Variants in LHCGR observed in about 807,000 individuals in gnomAD.
The protein encoded by LHCGR is lutropin-choriogonadotropic hormone receptor.
In LHCGR, 55 loss-of-function variants were observed where a neutral mutation model predicts 60.7. The ratio of observed to expected loss-of-function variants is 0.91; its 90% CI spans 0.73 to 1.13. The LOEUF (loss-of-function observed/expected upper bound fraction) is 1.13. Ranked by LOEUF, LHCGR falls within the 50% of genes most tolerant of loss-of-function variation. The pLI is 0.00. For synonymous variants in LHCGR, 337 were observed against 316.5 expected, an observed-to-expected ratio of 1.06 and a Z score of -0.69; for missense variants, 862 against 836.0, an observed-to-expected ratio of 1.03 and a Z score of -0.38.
At chr2:48,708,919 G>C in intron 8 of LHCGR, 29 bp downstream of exon 8, 1 of 1,586,514 alleles carries the variant, frequency 6.3e-7, no homozygotes, top group Admixed American at 1.7e-5. Flanking sequence ...ACACTGGGCA[G>C]GGAGGGGAGG....
intron 1 of LHCGR, among the ~76,000 whole-genome samples, chr2:48,754,363 C>T (rs1273653754): frequency 2.0e-5 from 3 of 152,144 alleles, no homozygotes; most frequent in Admixed American, 6.5e-5. Flanking sequence ...CTTCCTTCCC[C>T]AGCACAGAAT....
chr2:48,755,654 C>G lies in LHCGR; in HGVS notation c.18G>C (p.Ser6=), dbSNP rs928962662. Residue 6 remains serine (S), a synonymous_variant, in exon 1 of 11, where the codon TCG becomes TCC. Coordinates refer to ENST00000294954, the MANE Select transcript of LHCGR (RefSeq NM_000233.4). ...GCAGCAGCTTCAGCAGCTGCAGCGC[C>G]GAGAACCGCTGCTTCATGGCCGGCG... MKQRF[S]ALQLLKLLLL... The G allele has an allele frequency of 5.2e-6, 8 of 1,535,656 alleles. No homozygotes were observed. The highest frequency in any genetic ancestry group is 3.9e-5 in the Admixed American group (2 of 50,972).
intron 1 of LHCGR, among the ~76,000 whole-genome samples, chr2:48,738,197 C>T (rs1437512355): frequency 1.3e-5 from 2 of 152,164 alleles, no homozygotes; most frequent in Non-Finnish European, 1.5e-5. Context: ...TTCTCTTCCT[C>T]TATCCTCCTC....
chr2:48,712,368 G>A (rs1253723707), intron 7 of LHCGR, among the ~76,000 whole-genome samples: 1 of 152,070 alleles, frequency 6.6e-6, no homozygotes, highest in Admixed American at 6.6e-5. Context: ...CACAGCTGAT[G>A]CTTGGTAAAC....
intron 6 of LHCGR, among the ~76,000 whole-genome samples, chr2:48,714,806 C>T (rs1668167934): frequency 6.6e-6 from 1 of 151,988 alleles, no homozygotes; most frequent in African/African-American, 2.4e-5. Context: ...TAAGAGGATC[C>T]TTAGAACACA....
At chr2:48,718,116 G>T (rs1050790521) in intron 6 of LHCGR, among the ~76,000 whole-genome samples, 8 of 151,870 alleles carry the variant, frequency 5.3e-5, no homozygotes. Context: ...AAACATCATG[G>T]TGTCAGAATT....
chr2:48,742,931 T>C (rs537732646), intron 1 of LHCGR, among the ~76,000 whole-genome samples: 1 of 151,898 alleles, frequency 6.6e-6, no homozygotes, highest in East Asian at 1.9e-4. Context: ...ATCAACAAAA[T>C]TGATAAACTG....
intron 6 of LHCGR, among the ~76,000 whole-genome samples, chr2:48,715,367 GC>G (rs1321809128): frequency 6.6e-6 from 1 of 152,166 alleles, no homozygotes; most frequent in Non-Finnish European, 1.5e-5. Context: ...GAAAGCTACT[GC>G]CTTAGATGGA....
Position 48,723,613 on chromosome 2 carries a change from G to C in LHCGR, c.458+9C>G, listed in dbSNP as rs1275976429. The C allele has an allele frequency of 2.5e-6, 4 of 1,610,722 alleles. No individual in the cohort carries two copies. The Admixed American group carries it at 6.7e-5, about 27-fold the overall frequency. ...AACTGTTATGCATAGCAATCAGCCT[G>C]GTACTTACAGAATGAAATTTGATTC... On this transcript the variant is annotated intron_variant, in intron 5 of 10. Transcript: ENST00000294954.
chr2:48,696,053 G>GA lies in LHCGR; in HGVS notation c.867-1750dup, dbSNP rs373660034. Among the ~76,000 whole-genome samples, 632 of 144,218 alleles carry GA rather than the reference G, an allele frequency of 4.4e-3. 3 individuals carry two copies. The highest frequency in any genetic ancestry group is 0.012 in the East Asian group (60 of 5,000). 94.6% of individuals were successfully genotyped at this position (144,218 alleles called of 152,430 possible). ...TGGTTGTCCACAGAGGAGGTCTACA[G>GA]AAAAAAAAAAACAGTGGTTTCTTCA... On this transcript the variant is annotated intron_variant, in intron 9 of 10. Transcript: ENST00000294954.
chr2:48,722,848 T>C (rs1222662651), intron 6 of LHCGR, among the ~76,000 whole-genome samples: 1 of 152,226 alleles, frequency 6.6e-6, no homozygotes, highest in African/African-American at 2.4e-5. Context: ...TCATGGCTCA[T>C]AGTTTGAATA....
Position 48,709,013 on chromosome 2 carries a change from C to T in LHCGR, c.615G>A (p.Lys205=). The T allele has an allele frequency of 1.2e-6, 2 of 1,614,050 alleles. No individual in the cohort carries two copies. The highest frequency in any genetic ancestry group is 1.3e-5 in the African/African-American group (1 of 75,052). ...GCATCTTCTCCAGATGTACGTTTTC[C>T]TTTAGCTCCCTGTGGGGAAGGATAT... ...NGTTLTSLEL[K]ENVHLEKMHN... Residue 205 remains lysine (K), a synonymous_variant, in exon 8 of 11, where the codon AAG becomes AAA. Coordinates refer to ENST00000294954, the MANE Select transcript of LHCGR (RefSeq NM_000233.4).
chr2:48,733,048 A>G (rs1669068011), intron 1 of LHCGR: 2 of 513,386 alleles, frequency 3.9e-6, no homozygotes, highest in East Asian at 5.5e-5. Flanking sequence ...GATTAAAAAC[A>G]CAGTTTTATT....
chr2:48,688,077 G>C lies in LHCGR; in HGVS notation c.1720C>G (p.Leu574Val), dbSNP rs1177176176. 6.2e-7 allele frequency: 1 copy of C among 1,614,162 alleles called. No individual in the cohort carries two copies. The highest frequency in any genetic ancestry group is 2.2e-5 in the East Asian group (1 of 44,876). Residue 574 changes from leucine to valine, a missense_variant, in exon 11 of 11, where the codon CTC becomes GTC. Leu to Val is a conservative substitution (Grantham distance 32, BLOSUM62 1). Transcript: ENST00000294954. The surrounding 1 kb of genome is among the most constrained non-coding windows in gnomAD (Gnocchi z 5.2). ...ATGCAGGTGAAATCGGTGAAGATGA[G>C]GATTGCCATTTTCTTAGCAATCTTT... ...DTKIAKKMAI[L>V]IFTDFTCMAP...
intron 1 of LHCGR, among the ~76,000 whole-genome samples, chr2:48,752,271 T>TC: frequency 6.6e-6 from 1 of 152,306 alleles, no homozygotes; most frequent in African/African-American, 2.4e-5. Context: ...TTGTTTTTTT[T>TC]CTTCTTCTTA....
intron 9 of LHCGR, 73 bp downstream of exon 9, chr2:48,698,542 T>A: frequency 8.2e-7 from 1 of 1,223,004 alleles, no homozygotes; most frequent in Non-Finnish European, 1.2e-6. Context: ...TGGAGCTGTC[T>A]ACTCATTGAC....
At chr2:48,748,658 TG>T (rs997235180) in intron 1 of LHCGR, among the ~76,000 whole-genome samples, 3 of 152,208 alleles carry the variant, frequency 2.0e-5, no homozygotes, top group African/African-American at 7.2e-5. Context: ...ATATGGGCTG[TG>T]GGTTTTTTAG....
At chr2:48,691,983 C>T (rs1009269021) in intron 10 of LHCGR, among the ~76,000 whole-genome samples, 2 of 151,930 alleles carry the variant, frequency 1.3e-5, no homozygotes, top group African/African-American at 2.4e-5. Context: ...AGCATGAGGT[C>T]TTCATAATCA....
chr2:48,715,073 G>A (rs915372699), intron 6 of LHCGR, among the ~76,000 whole-genome samples: 1 of 152,106 alleles, frequency 6.6e-6, no homozygotes, highest in Admixed American at 6.6e-5. Context: ...TTCGTGTCGT[G>A]TTCTCAGTGG....
Sources: allele counts gnomAD v4.1 joint callset (sites outside exome capture counted in the v4.1 genomes callset), GRCh38; gene constraint gnomAD v4.1.1; non-coding constraint Gnocchi (gnomAD v3.1); transcripts MANE v1.5; gene names NCBI Gene and HGNC (gene_info 2026-07-23, HGNC 2026-07-21).